The following PRKG1 variants were observed in gnomAD, a reference collection of about 807,000 sequenced individuals.
PRKG1 encodes cGMP-dependent protein kinase 1.
Under a neutral mutation model 88.1 loss-of-function variants are expected in PRKG1, and 35 were observed. That is an observed-to-expected ratio of 0.40 (90% CI 0.30 to 0.53). The LOEUF (loss-of-function observed/expected upper bound fraction) is 0.53, where lower values mean the gene tolerates loss of function less well. PRKG1 is among the 20% of genes least tolerant of loss of function. The probability of loss-of-function intolerance (pLI) is 0.59; values close to 1 mark genes in which losing one functional copy is unlikely to be tolerated. For synonymous variants in PRKG1, 303 were observed against 292.5 expected (o/e 1.04, Z -0.37); for missense variants, 540 against 839.8 (o/e 0.64, Z 4.41).
chr10:51,621,641 C>T (rs1839214998), intron 3 of PRKG1, among the ~76,000 whole-genome samples: 1 of 152,254 alleles, frequency 6.6e-6, no homozygotes, highest in African/African-American at 2.4e-5. Flanking sequence ...CTCTATCTCT[C>T]TTTTAAATTA....
At chr10:52,273,609 A>T (rs1431549076) in intron 12 of PRKG1, among the ~76,000 whole-genome samples, 2 of 151,994 alleles carry the variant, frequency 1.3e-5, no homozygotes, top group African/African-American at 4.8e-5. Context: ...TGTTATTCCC[A>T]TGGCCTTTCT....
At chr10:52,034,360 G>C (rs536339882) in intron 5 of PRKG1, among the ~76,000 whole-genome samples, 27 of 121,352 alleles carry the variant, frequency 2.2e-4, no homozygotes, top group East Asian at 9.3e-4. Flanking sequence ...GGAACCTAGA[G>C]TGGGAGAGAT....
chr10:51,551,700 T>C (rs1368937730), intron 3 of PRKG1, among the ~76,000 whole-genome samples: 1 of 151,738 alleles, frequency 6.6e-6, no homozygotes, highest in Non-Finnish European at 1.5e-5. Context: ...AATAATTGAG[T>C]GAGACTCCTC....
At chr10:52,135,591 T>G (rs1589637776) in intron 8 of PRKG1, among the ~76,000 whole-genome samples, 1 of 152,098 alleles carries the variant, frequency 6.6e-6, no homozygotes, top group Admixed American at 6.6e-5. Flanking sequence ...AACCAGAAGG[T>G]TTCACGTCTT....
intron 5 of PRKG1, among the ~76,000 whole-genome samples, chr10:52,015,426 C>A (rs914788569): frequency 6.6e-6 from 1 of 152,220 alleles, no homozygotes; most frequent in Non-Finnish European, 1.5e-5. Flanking sequence ...CACAGAGAAG[C>A]AGGGTCTTGG....
Position 52,282,284 on chromosome 10 carries a change from G to A in PRKG1, c.1677G>A (p.Leu559=). 8 of 1,607,760 alleles carry A rather than the reference G, an allele frequency of 5.0e-6. No homozygotes were observed. The highest frequency in any genetic ancestry group is 6.8e-6 in the Non-Finnish European group (8 of 1,176,192). Residue 559 remains leucine (L), a synonymous_variant, in exon 14 of 18, where the codon CTG becomes CTA. Coordinates refer to ENST00000373980, the MANE Select transcript of PRKG1 (RefSeq NM_006258.4). ...ACATTTCAGCCGACTACTGGTCACT[G>A]GGAATCCTAATGTATGAACTCCTGA... ...GHDISADYWS[L]GILMYELLTG...
In PRKG1 at chr10:52,260,185, T is replaced by TA. The variant is rs565117375; in HGVS notation, c.1173+8520dup. Among the ~76,000 whole-genome samples the TA allele has an allele frequency of 1.6e-4, 25 of 152,148 alleles. No homozygotes were observed. The South Asian group carries it at 5.2e-3, about 32-fold the overall frequency. ...AAAATATTTTAAATTGTAATAGCTT[T>TA]AGGGGGTACAAATGGTTTTCGGCTA... On this transcript the variant is annotated intron_variant, in intron 10 of 17. Transcript: ENST00000373980.
Position 51,566,377 on chromosome 10 carries a change from A to G in PRKG1, c.592+98541A>G, listed in dbSNP as rs538485527. Among the ~76,000 whole-genome samples, 4 of 152,216 alleles carry G rather than the reference A, an allele frequency of 2.6e-5. No individual in the cohort carries two copies. In the East Asian group the frequency reaches 7.8e-4, roughly 29 times the overall value. On this transcript the variant is annotated intron_variant, in intron 3 of 17. Coordinates refer to ENST00000373980, the MANE Select transcript of PRKG1 (RefSeq NM_006258.4). ...AACCAAGCAGTTCTTTCCTTGTTTT[A>G]TGTACTCATTTCTGAGTAAATAAAC...
chr10:52,246,020 T>G (rs1389311808), intron 9 of PRKG1, among the ~76,000 whole-genome samples: 1 of 152,132 alleles, frequency 6.6e-6, no homozygotes, highest in Non-Finnish European at 1.5e-5. Flanking sequence ...GTTATTGGAA[T>G]GGCAAGGTGA....
At chr10:51,609,243 A>G (rs1031102076) in intron 3 of PRKG1, among the ~76,000 whole-genome samples, 4 of 152,140 alleles carry the variant, frequency 2.6e-5, no homozygotes, top group Admixed American at 1.3e-4. Context: ...TACTATATTC[A>G]TGTCCTAGGC....
intron 3 of PRKG1, among the ~76,000 whole-genome samples, chr10:51,566,309 C>G (rs1837601811): frequency 6.6e-6 from 1 of 152,052 alleles, no homozygotes; most frequent in African/African-American, 2.4e-5. Flanking sequence ...TCCCACAAAG[C>G]TGCAAGTTAA....
intron 3 of PRKG1, among the ~76,000 whole-genome samples, chr10:51,614,942 T>C (rs964539888): frequency 6.7e-6 from 1 of 150,306 alleles, no homozygotes; most frequent in Non-Finnish European, 1.5e-5. Flanking sequence ...CATCTTTGAA[T>C]ATATTCAACT....
At chr10:51,630,540 A>G (rs573216122) in intron 3 of PRKG1, among the ~76,000 whole-genome samples, 2 of 152,328 alleles carry the variant, frequency 1.3e-5, no homozygotes, top group African/African-American at 4.8e-5. Context: ...GTTGGTTGGC[A>G]ACAAAAGTGC....
chr10:51,701,527 C>A (rs1197936848), intron 3 of PRKG1, among the ~76,000 whole-genome samples: 1 of 152,168 alleles, frequency 6.6e-6, no homozygotes, highest in Non-Finnish European at 1.5e-5. Context: ...GGAATAGTCA[C>A]CTGCTAGCAA....
intron 9 of PRKG1, among the ~76,000 whole-genome samples, chr10:52,237,180 G>C (rs979473291): frequency 2.3e-5 from 3 of 131,308 alleles, no homozygotes; most frequent in African/African-American, 8.5e-5. Context: ...AAAATAATAA[G>C]AGCTATCTAT....
intron 2 of PRKG1, among the ~76,000 whole-genome samples, chr10:51,178,569 C>G (rs1404147219): frequency 2.6e-5 from 4 of 152,080 alleles, no homozygotes; most frequent in Admixed American, 1.3e-4. Context: ...CTCAGGAGGT[C>G]AAGGCTGCAG....
intron 1 of PRKG1, among the ~76,000 whole-genome samples, chr10:51,027,863 C>G (rs1387716277): frequency 6.6e-6 from 1 of 152,152 alleles, no homozygotes; most frequent in Non-Finnish European, 1.5e-5. Context: ...TAATTGTCTT[C>G]CCTGTCAGCT....
chr10:51,336,819 T>C (rs1316087894), intron 2 of PRKG1, among the ~76,000 whole-genome samples: 1 of 152,140 alleles, frequency 6.6e-6, no homozygotes, highest in Non-Finnish European at 1.5e-5. Flanking sequence ...ACAGGGTTTC[T>C]AATGGCCATA....
At chr10:52,019,026 A>C (rs1178410742) in intron 5 of PRKG1, among the ~76,000 whole-genome samples, 1 of 152,114 alleles carries the variant, frequency 6.6e-6, no homozygotes. Flanking sequence ...GCAAGATTGG[A>C]TATTGACATC....
Sources: allele counts gnomAD v4.1 joint callset (sites outside exome capture counted in the v4.1 genomes callset), GRCh38; gene constraint gnomAD v4.1.1; transcripts MANE v1.5; gene names NCBI Gene and HGNC (gene_info 2026-07-23, HGNC 2026-07-21).